ELAPOR1: variants seen among roughly 807,000 people sequenced by gnomAD.
ELAPOR1 encodes the protein endosome/lysosome-associated apoptosis and autophagy regulator 1.
A neutral mutation model predicts 119.7 loss-of-function variants in ELAPOR1; 77 were observed. That is an observed-to-expected ratio of 0.64 (90% CI 0.54 to 0.78). The LOEUF (loss-of-function observed/expected upper bound fraction) is 0.78. Ranked by LOEUF, ELAPOR1 falls within the 30% of genes least tolerant of loss-of-function variation. The probability of loss-of-function intolerance (pLI) is 0.00; values close to 1 mark genes in which losing one functional copy is unlikely to be tolerated. For synonymous variants in ELAPOR1, 481 were observed against 487.2 expected (o/e 0.99, Z 0.17); for missense variants, 1,115 against 1,270.4 (o/e 0.88, Z 1.86).
At chr1:109,189,281 T>C in intron 10 of ELAPOR1, 87 bp downstream of exon 10, 1 of 1,487,750 alleles carries the variant, frequency 6.7e-7, no homozygotes, top group South Asian at 1.3e-5. Flanking sequence ...AATAGTGATG[T>C]CTGAGAAAAA....
rs1444040245 is a variant in ELAPOR1 at position 109,192,770 on chromosome 1, T to C, written c.1843T>C (p.Ser615Pro). Residue 615 changes from serine (S) to proline (P), a missense_variant, in exon 14 of 22, where the codon TCA becomes CCA. By Grantham distance (74) the Ser-to-Pro change is moderately conservative. Transcript: ENST00000369939. The part of the protein sequence containing the change: ...CPAGYYIDRD[S>P]GTCHSCPTNT... ...TGCTGGTTACTATATTGACCGAGAT[T>C]CAGGAACCTGCCACTCCTGCCCCAC... is the stretch of plus-strand genomic sequence containing the variant. 1 of 1,613,846 alleles carries C rather than the reference T, an allele frequency of 6.2e-7. No homozygotes were observed. The highest frequency in any genetic ancestry group is 2.2e-5 in the East Asian group (1 of 44,888).
At chr1:109,116,946 C>T (rs1002389460) in intron 1 of ELAPOR1, among the ~76,000 whole-genome samples, 2 of 152,186 alleles carry the variant, frequency 1.3e-5, no homozygotes, top group Non-Finnish European at 2.9e-5. Context: ...CCGCCTTGGC[C>T]TCCCAGAGTG....
chr1:109,160,145 A>C (rs956092080), intron 1 of ELAPOR1, among the ~76,000 whole-genome samples: 27 of 152,014 alleles, frequency 1.8e-4, no homozygotes, highest in African/African-American at 6.5e-4. Flanking sequence ...TCAAGAGTTA[A>C]TCTATTGGCT....
intron 13 of ELAPOR1, among the ~76,000 whole-genome samples, chr1:109,192,140 A>G (rs914686781): frequency 6.6e-6 from 1 of 152,216 alleles, no homozygotes; most frequent in African/African-American, 2.4e-5. Flanking sequence ...TTTTAATAAT[A>G]ACAACTCTGG....
Position 109,166,148 on chromosome 1 carries a change from C to G in ELAPOR1, c.467+1457C>G, listed in dbSNP as rs1470584713. Among the ~76,000 whole-genome samples the G allele has an allele frequency of 2.6e-5, 4 of 152,144 alleles. No homozygotes were observed. The East Asian group carries it at 7.7e-4, about 29-fold the overall frequency. On this transcript the variant is annotated intron_variant, in intron 3 of 21. Coordinates refer to ENST00000369939, the MANE Select transcript of ELAPOR1 (RefSeq NM_020775.5). ...GCCAGGATGGTCTCGATCTCCTGAC[C>G]TCGTGATCCACCTGCCTCGGCCTCC...
At chr1:109,151,720 C>T (rs1481077104) in intron 1 of ELAPOR1, among the ~76,000 whole-genome samples, 1 of 152,156 alleles carries the variant, frequency 6.6e-6, no homozygotes, top group Admixed American at 6.5e-5. Context: ...TAACACAGAG[C>T]TTCCATTAAT....
At chr1:109,174,565 TG>T (rs1244465991) in intron 7 of ELAPOR1, among the ~76,000 whole-genome samples, 4 of 141,986 alleles carry the variant, frequency 2.8e-5, no homozygotes, top group African/African-American at 1.1e-4. Flanking sequence ...CATTCGGGGG[TG>T]GGGGGAAGAG....
intron 7 of ELAPOR1, among the ~76,000 whole-genome samples, chr1:109,176,057 T>C (rs900931263): frequency 6.6e-6 from 1 of 152,136 alleles, no homozygotes; most frequent in African/African-American, 2.4e-5. Context: ...CTGGGAAATC[T>C]AGGTTTCCTT....
intron 7 of ELAPOR1, among the ~76,000 whole-genome samples, chr1:109,177,233 G>T (rs1449970127): frequency 1.4e-5 from 2 of 148,026 alleles, no homozygotes; most frequent in Admixed American, 6.7e-5. Context: ...CCGGGCGGGG[G>T]GCTGACCCCC....
At chr1:109,198,102 A>C in intron 17 of ELAPOR1, 27 bp downstream of exon 17, 3 of 1,554,456 alleles carry the variant, frequency 1.9e-6, no homozygotes, top group Non-Finnish European at 2.7e-6. Flanking sequence ...AGGCTAATGC[A>C]AGTGAAACCT....
intron 2 of ELAPOR1, among the ~76,000 whole-genome samples, chr1:109,162,964 A>ACATT (rs1380591090): frequency 6.6e-6 from 1 of 152,254 alleles, no homozygotes; most frequent in Non-Finnish European, 1.5e-5. Flanking sequence ...GAAAGTGCAG[A>ACATT]CATTCATTCA....
chr1:109,198,570 C>T lies in ELAPOR1; in HGVS notation c.2400-3C>T. 1 of 1,612,116 alleles carries T rather than the reference C, an allele frequency of 6.2e-7. No individual in the cohort carries two copies. ...CCCTCATGGGGGCTGGCTTTCTCTG[C>T]AGGTCCAATGATGTGACCCAGTCCT... On this transcript the variant is annotated splice_region_variant and splice_polypyrimidine_tract_variant and intron_variant, in intron 17 of 21. Coordinates refer to ENST00000369939, the MANE Select transcript of ELAPOR1 (RefSeq NM_020775.5).
chr1:109,177,181 G>A (rs1443030193), intron 7 of ELAPOR1, among the ~76,000 whole-genome samples: 3 of 150,484 alleles, frequency 2.0e-5, no homozygotes, highest in Non-Finnish European at 4.4e-5. Context: ...AGTAGGGGCG[G>A]CCGGGCAGAG....
chr1:109,166,594 A>G (rs944385794), intron 3 of ELAPOR1, among the ~76,000 whole-genome samples: 9 of 152,204 alleles, frequency 5.9e-5, no homozygotes, highest in African/African-American at 2.2e-4. Flanking sequence ...TCTATTACAG[A>G]GACGAGGAAC....
intron 8 of ELAPOR1, chr1:109,186,761 C>T: frequency 1.0e-6 from 1 of 985,570 alleles, no homozygotes; most frequent in South Asian, 4.7e-5. Context: ...CTGAATGTGG[C>T]TGTCTTTCCT....
chr1:109,188,642 G>A (rs1016214448), intron 9 of ELAPOR1, among the ~76,000 whole-genome samples: 2 of 152,110 alleles, frequency 1.3e-5, no homozygotes, highest in African/African-American at 4.8e-5. Context: ...TCCAGCATAT[G>A]GCAGAGATGC....
chr1:109,181,748 TC>T lies in ELAPOR1; in HGVS notation c.953-3295del, dbSNP rs1419404086. On this transcript the variant is annotated intron_variant, in intron 7 of 21. Coordinates refer to ENST00000369939, the MANE Select transcript of ELAPOR1 (RefSeq NM_020775.5). ...GGGTCCCTCTGTGCTGAATTGGGCC[TC>T]CTGCTTGGTAACCAAGTAAATGAGC... Among the ~76,000 whole-genome samples the T allele has an allele frequency of 7.2e-5, 11 of 152,228 alleles. No individual in the cohort carries two copies. In the South Asian group the frequency reaches 2.1e-3, roughly 29 times the overall value.
chr1:109,150,500 GA>G (rs1301212017), intron 1 of ELAPOR1, among the ~76,000 whole-genome samples: 2 of 152,142 alleles, frequency 1.3e-5, no homozygotes, highest in African/African-American at 4.8e-5. Context: ...TGCTCTGGGG[GA>G]GAGGAGGTCT....
chr1:109,189,244 A>G, intron 10 of ELAPOR1, 50 bp downstream of exon 10: 2 of 1,585,270 alleles, frequency 1.3e-6, no homozygotes, highest in South Asian at 2.3e-5. Context: ...GCACACCCTC[A>G]GTTCTTCCAA....
Sources: allele counts gnomAD v4.1 joint callset (sites outside exome capture counted in the v4.1 genomes callset), GRCh38; gene constraint gnomAD v4.1.1; transcripts MANE v1.5; gene names NCBI Gene and HGNC (gene_info 2026-07-23, HGNC 2026-07-21).